TICRR: variants seen among roughly 807,000 people sequenced by gnomAD.
The protein encoded by TICRR is treslin.
Under a neutral mutation model 178.1 loss-of-function variants are expected in TICRR, and 132 were observed. That is an observed-to-expected ratio of 0.74 (90% CI 0.64 to 0.86). The LOEUF is 0.86. Ranked by LOEUF, TICRR falls within the 40% of genes least tolerant of loss-of-function variation. TICRR has a pLI of 0.00. For missense variants in TICRR, 2,587 were observed against 2,334.3 expected (o/e 1.11, Z -2.23); for synonymous variants, 991 against 900.7 (o/e 1.10, Z -1.79).
rs1245246595 is a variant in TICRR, at chr15:89,584,369, A to T, written c.1018A>T (p.Ile340Phe). The T allele has an allele frequency of 6.2e-7, 1 of 1,614,146 alleles. No individual in the cohort carries two copies. The highest frequency in any genetic ancestry group is 2.2e-5 in the East Asian group (1 of 44,886). Reference sequence around the variant, plus strand: ...GAGACATTTTCAGAAACCAGTCAGAATTTTTCTAAAAGGCTCAGTGGCCCA... The same window carrying T: ...GAGACATTTTCAGAAACCAGTCAGATTTTTTCTAAAAGGCTCAGTGGCCCA... Reference protein sequence around the residue: ...HQRHFQKPVRIFLKGSVAQWS... With the variant: ...HQRHFQKPVRFFLKGSVAQWS... Residue 340 changes from isoleucine (I) to phenylalanine (F), a missense_variant, in exon 3 of 22, where the codon ATT becomes TTT. Ile to Phe is a conservative substitution (Grantham distance 21). Transcript: ENST00000268138.
intron 14 of TICRR, among the ~76,000 whole-genome samples, chr15:89,607,405 AGAAG>A (rs1457781888): frequency 6.6e-6 from 1 of 152,148 alleles, no homozygotes; most frequent in Admixed American, 6.5e-5. Context: ...ACATACAGAG[AGAAG>A]GAAGGAGAAA....
chr15:89,582,794 G>A lies in TICRR; in HGVS notation c.763G>A (p.Ala255Thr). The change falls in exon 2 of 22, where the codon GCT (alanine) becomes ACT (threonine). Residue 255 changes from alanine (A) to threonine (T), a missense_variant. Transcript: ENST00000268138. ...ATCTTTCAGCTGGGATTTTGCTCAA[G>A]CTGGGGAAATGCTGCTCAGGAGTGG... ...SESFSWDFAQ[A>T]GEMLLRSGIK... The A allele has an allele frequency of 1.2e-6, 2 of 1,614,176 alleles. No individual in the cohort carries two copies. The highest frequency in any genetic ancestry group is 8.5e-7 in the Non-Finnish European group (1 of 1,180,032).
At position 89,623,684 on chromosome 15, in the gene TICRR, C is replaced by G. The variant is rs1567052610; in HGVS notation, c.3374C>G (p.Ser1125Cys). 2.5e-6 allele frequency: 4 copies of G among 1,614,056 alleles called. No individual in the cohort carries two copies. Among genetic ancestry groups the G allele is most frequent in the Non-Finnish European group, 3.4e-6 (4 of 1,179,964 alleles). Residue 1125 changes from serine (S) to cysteine (C), a missense_variant, in exon 20 of 22, where the codon TCT becomes TGT. Physicochemically the swap from Ser to Cys is moderately radical, Grantham distance 112. Coordinates refer to ENST00000268138, the MANE Select transcript of TICRR (RefSeq NM_152259.4). ...SFSKTTPRRI[S>C]HTPQTPLYTP... ...TCTAAAACTACACCAAGAAGGATCTCTCATACACCACAAACTCCGTTGTAT... is the reference window on the plus strand; with the variant it reads ...TCTAAAACTACACCAAGAAGGATCTGTCATACACCACAAACTCCGTTGTAT...
chr15:89,581,955 G>A (rs766652227), intron 1 of TICRR, among the ~76,000 whole-genome samples: 4 of 152,268 alleles, frequency 2.6e-5, no homozygotes, highest in Middle Eastern at 3.4e-3. Flanking sequence ...GATGGTCACC[G>A]TCTGGGGGAG....
At chr15:89,597,800 T>C (rs2141962523) in intron 7 of TICRR, among the ~76,000 whole-genome samples, 1 of 152,336 alleles carries the variant, frequency 6.6e-6, no homozygotes, top group African/African-American at 2.4e-5. Flanking sequence ...AGGGATCACA[T>C]AGAATCTATA....
Position 89,608,881 on chromosome 15 carries a change from C to G in TICRR, c.2801C>G (p.Pro934Arg), listed in dbSNP as rs1344875967. 6.2e-7 allele frequency: 1 copy of G among 1,610,898 alleles called. No individual in the cohort carries two copies. The highest frequency in any genetic ancestry group is 1.3e-5 in the African/African-American group (1 of 74,476). The change falls in exon 15 of 22, where the codon CCT becomes CGT. Residue 934 changes from proline (P) to arginine (R), a missense_variant. Coordinates refer to ENST00000268138, the MANE Select transcript of TICRR (RefSeq NM_152259.4). ...AAGAGATCACTAAAGCGGGGGTTGC[C>G]TAGAAGCCATTCTGTGTCAGCTGTG... ...PSKRSLKRGL[P>R]RSHSVSAVDG...
At chr15:89,603,922 G>A (rs985911359) in intron 13 of TICRR, among the ~76,000 whole-genome samples, 1 of 152,092 alleles carries the variant, frequency 6.6e-6, no homozygotes, top group African/African-American at 2.4e-5. Flanking sequence ...CCATTTTGGG[G>A]CCATGGTTGA....
rs996075316 is a variant in TICRR at position 89,597,797 on chromosome 15, A to C, written c.1901-1527A>C. On this transcript the variant is annotated intron_variant, in intron 7 of 21. Transcript: ENST00000268138. ...GAAAATAACTTATTTGATAGGGATC[A>C]CATAGAATCTATAGATCAAATTGGG... Among the ~76,000 whole-genome samples, 5 of 152,334 alleles carry C rather than the reference A, an allele frequency of 3.3e-5. No homozygotes were observed. The South Asian group carries it at 1.0e-3, about 32-fold the overall frequency.
At position 89,627,069 on chromosome 15, in the gene TICRR, T is replaced by C. The variant is rs765284888; in HGVS notation, c.5716T>C (p.Trp1906Arg). Residue 1906 changes from tryptophan to arginine, a missense_variant, in exon 22 of 22, where the codon TGG becomes CGG. Physicochemically the swap from Trp to Arg is moderately radical, Grantham distance 101 (BLOSUM62 -3). Coordinates refer to ENST00000268138, the MANE Select transcript of TICRR (RefSeq NM_152259.4). ...TACACGGAAGAAGCTCATGGGAACCTGGCTGGAGGACTTATAGCCACAAAC... is the reference window on the plus strand; with the variant it reads ...TACACGGAAGAAGCTCATGGGAACCCGGCTGGAGGACTTATAGCCACAAAC... ...TYTRKKLMGT[W>R]LEDL 7 of 1,614,004 alleles carry C rather than the reference T, an allele frequency of 4.3e-6. No individual in the cohort carries two copies. In the African/African-American group the frequency reaches 8.0e-5, roughly 18 times the overall value.
At chr15:89,591,908 G>T in intron 4 of TICRR, 139 bp from the exon 5 acceptor site, 1 of 626,768 alleles carries the variant, frequency 1.6e-6, no homozygotes, top group South Asian at 3.8e-5. Context: ...TTGTGGTGCC[G>T]GAGAACAAAT....
chr15:89,605,601 C>T lies in TICRR; in HGVS notation c.2665-1167C>T, dbSNP rs538710111. Among the ~76,000 whole-genome samples the T allele has an allele frequency of 2.8e-4, 43 of 152,256 alleles. No individual in the cohort carries two copies. The South Asian group carries it at 7.9e-3, about 28-fold the overall frequency. The stretch of plus-strand genomic sequence containing the variant: ...GTCTCAATCTCCTGACCTCGTGATC[C>T]GCCCACTCGACCTCCCAAAGTGCTA... On this transcript the variant is annotated intron_variant, in intron 13 of 21. Transcript: ENST00000268138.
rs199518473 is a variant in TICRR, at chr15:89,576,126, C to G, written c.540C>G (p.Arg180=). Reference sequence around the variant, plus strand: ...CTGGGTGCGAGGCCCAGGCCCAGCGCCTGCCGCCCACCCCTAAGCAGGTGA... The same window carrying G: ...CTGGGTGCGAGGCCCAGGCCCAGCGGCTGCCGCCCACCCCTAAGCAGGTGA... ...FVSGCEAQAQ[R]LPPTPKQVME... is the part of the protein sequence containing the mutation. Residue 180 remains arginine, a synonymous_variant, in exon 1 of 22, where the codon CGC becomes CGG. Coordinates refer to ENST00000268138, the MANE Select transcript of TICRR (RefSeq NM_152259.4). 2 of 1,610,198 alleles carry G rather than the reference C, an allele frequency of 1.2e-6. No individual in the cohort carries two copies. Among genetic ancestry groups the G allele is most frequent in the Non-Finnish European group, 8.5e-7 (1 of 1,179,998 alleles).
rs1378659333 is a variant in TICRR, at chr15:89,625,186, T to C, written c.4876T>C (p.Cys1626Arg). 1.2e-6 allele frequency: 2 copies of C among 1,613,558 alleles called. No homozygotes were observed. The highest frequency in any genetic ancestry group is 2.7e-5 in the African/African-American group (2 of 74,986). ...KPEPTYVSPP[C>R]PRLSHSTPGK... ...TGAACCCACCTATGTGTCACCCCCCTGCCCCCGCCTCTCCCACAGCACACC... is the reference window on the plus strand; with the variant it reads ...TGAACCCACCTATGTGTCACCCCCCCGCCCCCGCCTCTCCCACAGCACACC... Residue 1626 changes from cysteine (C) to arginine (R), a missense_variant, in exon 20 of 22, where the codon TGC (cysteine) becomes CGC (arginine). Coordinates refer to ENST00000268138, the MANE Select transcript of TICRR (RefSeq NM_152259.4).
chr15:89,624,328 C>T lies in TICRR; in HGVS notation c.4018C>T (p.Gln1340Ter). 6.2e-7 allele frequency: 1 copy of T among 1,614,182 alleles called. No homozygotes were observed. Among genetic ancestry groups the T allele is most frequent in the South Asian group, 1.1e-5 (1 of 91,080 alleles). The change falls in exon 20 of 22, where the codon CAG becomes TAG. Residue 1340 changes from glutamine to a stop codon, truncating the protein, a stop_gained. Transcript: ENST00000268138. LOFTEE classifies it high-confidence loss of function. ...GTGTCCTTCCCCAGGAGAACTGGAT[C>T]AGAAAGAGCCCCAGATGTCACCCAG... is the stretch of plus-strand genomic sequence containing the variant. ...IECPSPGELD[Q>*]KEPQMSPSVA...
In TICRR at chr15:89,602,846, T is replaced by C; in HGVS notation, c.2618T>C (p.Leu873Pro). The change falls in exon 13 of 22, where the codon CTT becomes CCT. Residue 873 changes from leucine (L) to proline (P), a missense_variant. Leu to Pro is a moderately conservative substitution (Grantham distance 98). Coordinates refer to ENST00000268138, the MANE Select transcript of TICRR (RefSeq NM_152259.4). ...AGCATTGCTGAGGTTTCACAGAATC[T>C]TCGACAAATTGAAATTCCTAAAGTG... ...HKSIAEVSQN[L>P]RQIEIPKVSK... 1 of 1,529,448 alleles carries C rather than the reference T, an allele frequency of 6.5e-7. No individual in the cohort carries two copies. The highest frequency in any genetic ancestry group is 8.8e-7 in the Non-Finnish European group (1 of 1,140,134). 94.7% of individuals were successfully genotyped at this position (1,529,448 alleles called of 1,614,324 possible). A position where few individuals can be genotyped will look rare whatever the true frequency, so the allele number is the denominator to read the frequency against.
At chr15:89,619,377 C>T (rs1459283175) in intron 17 of TICRR, among the ~76,000 whole-genome samples, 1 of 152,024 alleles carries the variant, frequency 6.6e-6, no homozygotes, top group Non-Finnish European at 1.5e-5. Context: ...AGGCACCCAC[C>T]ACCATACCTG....
intron 7 of TICRR, among the ~76,000 whole-genome samples, chr15:89,596,202 A>C (rs1009318569): frequency 1.3e-5 from 2 of 152,224 alleles, no homozygotes; most frequent in East Asian, 3.8e-4. Flanking sequence ...ATGCTGGAAC[A>C]ACTAGATACC....
At chr15:89,585,132 T>C (rs1449785840) in intron 3 of TICRR, among the ~76,000 whole-genome samples, 4 of 152,228 alleles carry the variant, frequency 2.6e-5, no homozygotes, top group African/African-American at 7.2e-5. Context: ...CTGGTTCCCA[T>C]TGTAAAATAT....
At chr15:89,583,413 A>G (rs1027799098) in intron 2 of TICRR, among the ~76,000 whole-genome samples, 6 of 152,256 alleles carry the variant, frequency 3.9e-5, no homozygotes, top group Non-Finnish European at 8.8e-5. Flanking sequence ...TCATTACATT[A>G]GTTTCACCAT....
Sources: allele counts gnomAD v4.1 joint callset (sites outside exome capture counted in the v4.1 genomes callset), GRCh38; gene constraint gnomAD v4.1.1; transcripts MANE v1.5; gene names NCBI Gene and HGNC (gene_info 2026-07-23, HGNC 2026-07-21).